RIMS2: variants seen among roughly 807,000 people sequenced by gnomAD.
RIMS2 encodes the protein regulating synaptic membrane exocytosis 2.
A neutral mutation model predicts 174.4 loss-of-function variants in RIMS2; 59 were observed. The ratio of observed to expected loss-of-function variants is 0.34; its 90% CI spans 0.27 to 0.42. RIMS2 has a LOEUF of 0.42. Ranked by LOEUF, RIMS2 falls within the 10% of genes least tolerant of loss-of-function variation. RIMS2 has a pLI of 1.00. For synonymous variants in RIMS2, 606 were observed against 572.5 expected (o/e 1.06, Z -0.84); for missense variants, 1,620 against 1,666.3 (o/e 0.97, Z 0.48).
intron 2 of RIMS2, among the ~76,000 whole-genome samples, chr8:103,741,235 A>G (rs992100893): frequency 5.3e-5 from 8 of 152,074 alleles, no homozygotes; most frequent in African/African-American, 1.9e-4. Flanking sequence ...ATGGACAAAT[A>G]TTACTTAGTA....
chr8:103,652,634 T>TGAAATTTGC, intron 1 of RIMS2: 1 of 1,348,808 alleles, frequency 7.4e-7, no homozygotes, highest in South Asian at 1.1e-5. Flanking sequence ...GTGGTTTCCC[T>TGAAATTTGC]TTAGTGGAAT....
chr8:104,242,901 A>G (rs1289289216), intron 19 of RIMS2, among the ~76,000 whole-genome samples: 1 of 152,228 alleles, frequency 6.6e-6, no homozygotes, highest in East Asian at 1.9e-4. Flanking sequence ...TTTTCCTTTA[A>G]CAATTAGAAT....
chr8:104,126,219 A>C (rs902398352), intron 19 of RIMS2, among the ~76,000 whole-genome samples: 1 of 152,244 alleles, frequency 6.6e-6, no homozygotes, highest in Non-Finnish European at 1.5e-5. Flanking sequence ...GACTATTGTC[A>C]AAATGCAAAA....
intron 2 of RIMS2, among the ~76,000 whole-genome samples, chr8:103,734,157 T>C (rs2097651937): frequency 6.6e-6 from 1 of 150,686 alleles, no homozygotes. Flanking sequence ...GGGCTACAGG[T>C]GCACGCCACC....
At chr8:103,905,642 A>T (rs1222375481) in intron 4 of RIMS2, among the ~76,000 whole-genome samples, 3 of 143,948 alleles carry the variant, frequency 2.1e-5, no homozygotes, top group African/African-American at 2.6e-5. Flanking sequence ...GGAAATTTTC[A>T]GTCTTTATTT....
At chr8:103,583,729 GA>G (rs1209311283) in intron 1 of RIMS2, among the ~76,000 whole-genome samples, 1 of 152,048 alleles carries the variant, frequency 6.6e-6, no homozygotes, top group Non-Finnish European at 1.5e-5. Flanking sequence ...GGACAAAATA[GA>G]AAAGAAAAAC....
intron 17 of RIMS2, among the ~76,000 whole-genome samples, chr8:103,993,560 A>T (rs2094869328): frequency 6.6e-6 from 1 of 152,326 alleles, no homozygotes; most frequent in South Asian, 2.1e-4. Flanking sequence ...AAGGAAACAT[A>T]TCTCTGATAG....
At chr8:103,975,590 A>G in intron 16 of RIMS2, 84 bp downstream of exon 18, 1 of 906,652 alleles carries the variant, frequency 1.1e-6, no homozygotes, top group Non-Finnish European at 1.7e-6. Context: ...GGATATATGT[A>G]TATACGAAAG....
chr8:103,582,854 G>C (rs931014030), intron 1 of RIMS2, among the ~76,000 whole-genome samples: 9 of 152,188 alleles, frequency 5.9e-5, no homozygotes, highest in African/African-American at 2.2e-4. Flanking sequence ...CCTGGGGCCT[G>C]GGGGACCTCC....
chr8:104,094,925 T>C (rs1454639206), intron 19 of RIMS2, among the ~76,000 whole-genome samples: 2 of 152,156 alleles, frequency 1.3e-5, no homozygotes, highest in Non-Finnish European at 2.9e-5. Context: ...TTGTATCCAC[T>C]AGCTCTGAGA....
intron 1 of RIMS2, among the ~76,000 whole-genome samples, chr8:103,505,687 CT>C (rs1823157730): frequency 6.6e-6 from 1 of 152,086 alleles, no homozygotes; most frequent in African/African-American, 2.4e-5. Context: ...GTGAAATTTA[CT>C]TTTGTAGAGG....
rs917616403 is a variant in RIMS2, at chr8:104,021,909, A to G, written c.3334+7294A>G. On this transcript the variant is annotated intron_variant, in intron 19 of 23. Coordinates refer to ENST00000504942, the Ensembl canonical transcript of RIMS2. Reference sequence around the variant, plus strand: ...GTGGGCATGGAGTAGGGAATGGGGAATGTTGATTGGTCGGGGATGAAATTG... The same window carrying G: ...GTGGGCATGGAGTAGGGAATGGGGAGTGTTGATTGGTCGGGGATGAAATTG... Among the ~76,000 whole-genome samples the G allele has an allele frequency of 2.6e-5, 4 of 152,232 alleles. No individual in the cohort carries two copies. In the East Asian group the frequency reaches 7.7e-4, roughly 29 times the overall value.
At chr8:104,226,347 G>A (rs1044526968) in intron 19 of RIMS2, among the ~76,000 whole-genome samples, 2 of 152,090 alleles carry the variant, frequency 1.3e-5, no homozygotes, top group East Asian at 3.9e-4. Flanking sequence ...AGTATACCCT[G>A]TCTTCCAGTT....
intron 2 of RIMS2, among the ~76,000 whole-genome samples, chr8:103,714,235 G>A (rs1411683414): frequency 6.6e-6 from 1 of 152,198 alleles, no homozygotes; most frequent in Non-Finnish European, 1.5e-5. Flanking sequence ...CTATGGGCAT[G>A]TTATTATGGG....
intron 19 of RIMS2, among the ~76,000 whole-genome samples, chr8:104,132,748 A>C (rs952366045): frequency 6.6e-6 from 1 of 152,214 alleles, no homozygotes; most frequent in Non-Finnish European, 1.5e-5. Flanking sequence ...GAGCAAAACA[A>C]AAGGAGTGAC....
intron 19 of RIMS2, among the ~76,000 whole-genome samples, chr8:104,062,486 T>C (rs376216119): frequency 6.6e-6 from 1 of 152,238 alleles, no homozygotes; most frequent in African/African-American, 2.4e-5. Flanking sequence ...AATACAGTTA[T>C]GAGAAAATAT....
At chr8:104,139,137 A>G (rs1397605098) in intron 19 of RIMS2, among the ~76,000 whole-genome samples, 2 of 152,010 alleles carry the variant, frequency 1.3e-5, no homozygotes, top group East Asian at 3.9e-4. Context: ...GTCTGTTTTT[A>G]TTCCAGGATC....
intron 1 of RIMS2, among the ~76,000 whole-genome samples, chr8:103,603,928 T>G (rs2094901261): frequency 1.4e-5 from 2 of 146,718 alleles, no homozygotes; most frequent in Admixed American, 6.8e-5. Flanking sequence ...GTTGCGAAAA[T>G]TTTCTCCCAT....
At chr8:103,621,640 A>C (rs1300365147) in intron 1 of RIMS2, among the ~76,000 whole-genome samples, 1 of 152,232 alleles carries the variant, frequency 6.6e-6, no homozygotes, top group Non-Finnish European at 1.5e-5. Context: ...TGCTTCTAAG[A>C]GAAGTTACTG....
Sources: gnomAD v4.1 joint callset for allele counts (sites outside exome capture counted in the v4.1 genomes callset) on GRCh38, gnomAD v4.1.1 for gene constraint, MANE v1.5 for transcripts, NCBI Gene and HGNC (gene_info 2026-07-23, HGNC 2026-07-21) for gene names.